Variants in SIPA1L3 observed in about 807,000 individuals in gnomAD.
The protein encoded by SIPA1L3 is signal-induced proliferation-associated 1-like protein 3.
A neutral mutation model predicts 150.1 loss-of-function variants in SIPA1L3; 59 were observed. That is an observed-to-expected ratio of 0.39 (90% CI 0.32 to 0.49). SIPA1L3 has a LOEUF of 0.49. SIPA1L3 is among the 20% of genes least tolerant of loss of function. The probability of loss-of-function intolerance (pLI) is 0.86; values close to 1 mark genes in which losing one functional copy is unlikely to be tolerated. For missense variants in SIPA1L3, 2,211 were observed against 2,489.5 expected (o/e 0.89, Z 2.38); for synonymous variants, 1,070 against 1,077.6 (o/e 0.99, Z 0.14).
At chr19:38,005,534 A>G (rs1473928013) in intron 1 of SIPA1L3, among the ~76,000 whole-genome samples, 1 of 151,912 alleles carries the variant, frequency 6.6e-6, no homozygotes, top group East Asian at 1.9e-4. Context: ...GTCTCCTTCA[A>G]CACACTCCCA....
In SIPA1L3 at chr19:38,201,737, G is replaced by A. The variant is rs1973091544; in HGVS notation, c.4985-125G>A. On this transcript the variant is annotated intron_variant, in intron 19 of 21. Coordinates refer to ENST00000222345, the MANE Select transcript of SIPA1L3 (RefSeq NM_015073.3). ...TTTGGCAAGAATCTATCTAAGTGCC[G>A]ATGCAGTCTGTCCCAAGTGTGATAG... The A allele has an allele frequency of 5.9e-6, 6 of 1,021,720 alleles. No individual in the cohort carries two copies. The South Asian group carries it at 6.2e-5, about 11-fold the overall frequency. The allele number at this position is 1,021,720 out of a possible 1,614,324, so 63.3% of individuals were successfully genotyped here.
intron 2 of SIPA1L3, among the ~76,000 whole-genome samples, chr19:38,080,381 C>T (rs531411605): frequency 1.3e-5 from 2 of 152,302 alleles, no homozygotes; most frequent in African/African-American, 4.8e-5. Context: ...GGGAAATCCA[C>T]AGGACAGGTG....
At chr19:38,026,461 G>A (rs1040265673) in intron 1 of SIPA1L3, among the ~76,000 whole-genome samples, 7 of 152,136 alleles carry the variant, frequency 4.6e-5, no homozygotes, top group African/African-American at 1.7e-4. Flanking sequence ...CATATGACCA[G>A]TCCCACCTCC....
intron 2 of SIPA1L3, among the ~76,000 whole-genome samples, chr19:38,040,537 A>G (rs1265593332): frequency 1.3e-5 from 2 of 152,218 alleles, no homozygotes; most frequent in Admixed American, 6.5e-5. Context: ...TTGTGAGTCA[A>G]TCAGACTCAT....
chr19:38,022,703 A>C (rs903941498), intron 1 of SIPA1L3, among the ~76,000 whole-genome samples: 12 of 152,220 alleles, frequency 7.9e-5, no homozygotes, highest in African/African-American at 2.9e-4. Flanking sequence ...GCGAGACTCC[A>C]TCTCAAGAAA....
intron 15 of SIPA1L3, 55 bp from the exon 16 acceptor site, chr19:38,182,464 T>C: frequency 3.0e-6 from 4 of 1,349,810 alleles, no homozygotes; most frequent in Non-Finnish European, 4.1e-6. Context: ...AGCTCTGTCT[T>C]GCCAAATGTG....
At chr19:38,139,246 G>T (rs979059521) in intron 10 of SIPA1L3, among the ~76,000 whole-genome samples, 2 of 152,174 alleles carry the variant, frequency 1.3e-5, no homozygotes, top group Non-Finnish European at 2.9e-5. Flanking sequence ...CCTGCTTAGA[G>T]CACATGACAA....
intron 2 of SIPA1L3, among the ~76,000 whole-genome samples, chr19:38,070,903 G>A (rs1009571333): frequency 2.6e-5 from 4 of 152,168 alleles, no homozygotes; most frequent in East Asian, 1.9e-4. Flanking sequence ...CTCCATGGCC[G>A]TGACTAGATC....
intron 16 of SIPA1L3, among the ~76,000 whole-genome samples, chr19:38,189,670 G>A (rs1302312591): frequency 6.6e-6 from 1 of 152,116 alleles, no homozygotes; most frequent in African/African-American, 2.4e-5. Context: ...GGAAGCTGAG[G>A]CAGGAGAATT....
At chr19:38,058,442 G>A (rs1969373318) in intron 2 of SIPA1L3, among the ~76,000 whole-genome samples, 1 of 152,072 alleles carries the variant, frequency 6.6e-6, no homozygotes, top group South Asian at 2.1e-4. Context: ...GTGGGTAGAG[G>A]CGCCTCCCCT....
chr19:37,918,201 G>A (rs2046428681), intron 1 of SIPA1L3, among the ~76,000 whole-genome samples: 1 of 151,936 alleles, frequency 6.6e-6, no homozygotes. Flanking sequence ...GGGGGACTAA[G>A]GAAGGCAAGG....
intron 18 of SIPA1L3, among the ~76,000 whole-genome samples, chr19:38,194,912 A>G (rs937795174): frequency 6.6e-6 from 1 of 152,236 alleles, no homozygotes; most frequent in South Asian, 2.1e-4. Context: ...TTAGCTGGGC[A>G]TGGTGGCAGG....
At position 37,986,672 on chromosome 19, in the gene SIPA1L3, G is replaced by T. The variant is rs569846024; in HGVS notation, c.-378-42417G>T. On this transcript the variant is annotated intron_variant, in intron 1 of 21. Transcript: ENST00000222345. ...CTTCTTTTCTTAACCCTGGCTGCACGAACCCTATTAGAATCAGGTGGGCAC... is the reference window on the plus strand; with the variant it reads ...CTTCTTTTCTTAACCCTGGCTGCACTAACCCTATTAGAATCAGGTGGGCAC... 3.7e-3 allele frequency among the ~76,000 whole-genome samples: 567 copies of T among 152,320 alleles called. 6 individuals are homozygous for T. The highest frequency in any genetic ancestry group is 7.1e-3 in the Non-Finnish European group (486 of 68,036).
At chr19:37,974,826 A>G (rs1967037463) in intron 1 of SIPA1L3, among the ~76,000 whole-genome samples, 1 of 152,148 alleles carries the variant, frequency 6.6e-6, no homozygotes, top group East Asian at 1.9e-4. Flanking sequence ...TCCATTCCCC[A>G]TTATTCTAGG....
At chr19:38,193,235 C>T (rs1449622988) in intron 17 of SIPA1L3, among the ~76,000 whole-genome samples, 1 of 151,814 alleles carries the variant, frequency 6.6e-6, no homozygotes, top group Non-Finnish European at 1.5e-5. Context: ...GTCCCAGCTA[C>T]CTACCTGGGA....
chr19:37,961,313 C>CCCTT (rs2046856896), intron 1 of SIPA1L3, among the ~76,000 whole-genome samples: 2 of 152,138 alleles, frequency 1.3e-5, no homozygotes, highest in South Asian at 4.2e-4. Flanking sequence ...AGTTACTGTG[C>CCCTT]CCTTCTCCAC....
chr19:38,101,015 C>G, intron 5 of SIPA1L3, 37 bp from the exon 6 acceptor site: 2 of 1,503,754 alleles, frequency 1.3e-6, no homozygotes, highest in Non-Finnish European at 1.8e-6. Flanking sequence ...CCATCTCTGC[C>G]TGGCCTGCCT....
intron 1 of SIPA1L3, among the ~76,000 whole-genome samples, chr19:37,941,632 G>A (rs910025840): frequency 6.6e-6 from 1 of 152,130 alleles, no homozygotes; most frequent in Non-Finnish European, 1.5e-5. Context: ...ACCTTTGACC[G>A]GGTGGGGCCT....
intron 1 of SIPA1L3, among the ~76,000 whole-genome samples, chr19:38,016,527 C>G (rs1284342968): frequency 2.6e-5 from 4 of 152,146 alleles, no homozygotes; most frequent in Admixed American, 2.6e-4. Context: ...GATGGAGTCT[C>G]TGTCGCTGAG....
Sources: gnomAD v4.1 joint callset for allele counts (sites outside exome capture counted in the v4.1 genomes callset) on GRCh38, gnomAD v4.1.1 for gene constraint, MANE v1.5 for transcripts, NCBI Gene and HGNC (gene_info 2026-07-23, HGNC 2026-07-21) for gene names.